SNX25: variants seen among roughly 807,000 people sequenced by gnomAD.
SNX25 encodes the protein sorting nexin-25.
In SNX25, 62 loss-of-function variants were observed where a neutral mutation model predicts 113.7. That is an observed-to-expected ratio of 0.55 (90% CI 0.44 to 0.67). SNX25 has a LOEUF of 0.67. Ranked by LOEUF, SNX25 falls within the 30% of genes least tolerant of loss-of-function variation. The probability of loss-of-function intolerance (pLI) is 0.00; values close to 1 mark genes in which losing one functional copy is unlikely to be tolerated. For missense variants in SNX25, 1,014 were observed against 1,161.0 expected (o/e 0.87, Z 1.84); for synonymous variants, 421 against 436.2 (o/e 0.97, Z 0.43).
chr4:185,293,066 T>C (rs1414271038), intron 6 of SNX25, among the ~76,000 whole-genome samples: 1 of 152,256 alleles, frequency 6.6e-6, no homozygotes, highest in East Asian at 1.9e-4. Context: ...TATAACTCGA[T>C]AATCAAAAGA....
intron 1 of SNX25, among the ~76,000 whole-genome samples, chr4:185,228,301 C>G (rs1741314897): frequency 6.6e-6 from 1 of 151,818 alleles, no homozygotes; most frequent in South Asian, 2.1e-4. Flanking sequence ...GCCTGAACAT[C>G]TCAGAGATAG....
chr4:185,212,645 G>T (rs576899947), intron 1 of SNX25, among the ~76,000 whole-genome samples: 51 of 152,142 alleles, frequency 3.4e-4, no homozygotes, highest in Non-Finnish European at 4.7e-4. Flanking sequence ...GTGCCTGGCT[G>T]TGTGTGCTTT....
At chr4:185,231,079 A>T (rs961400011) in intron 1 of SNX25, among the ~76,000 whole-genome samples, 2 of 148,214 alleles carry the variant, frequency 1.3e-5, no homozygotes, top group Non-Finnish European at 3.0e-5. Context: ...TCTTAATAAC[A>T]TGTTTCTTTT....
intron 11 of SNX25, among the ~76,000 whole-genome samples, chr4:185,369,072 G>T (rs536902037): frequency 6.6e-6 from 1 of 152,174 alleles, no homozygotes; most frequent in Non-Finnish European, 1.5e-5. Context: ...GGGATTACAG[G>T]CATGAGCCAC....
intron 6 of SNX25, among the ~76,000 whole-genome samples, chr4:185,304,687 C>T (rs771167886): frequency 8.5e-5 from 13 of 152,100 alleles, no homozygotes; most frequent in African/African-American, 1.7e-4. Flanking sequence ...CAGAGTCTTG[C>T]TGTGTTGCCC....
intron 3 of SNX25, among the ~76,000 whole-genome samples, chr4:185,263,257 T>G (rs1309435588): frequency 6.6e-6 from 1 of 152,152 alleles, no homozygotes; most frequent in African/African-American, 2.4e-5. Flanking sequence ...CTTCCTCCAG[T>G]GCTTATTAGC....
intron 2 of SNX25, among the ~76,000 whole-genome samples, chr4:185,248,812 G>GA (rs931657337): frequency 2.6e-5 from 4 of 151,996 alleles, no homozygotes; most frequent in African/African-American, 9.7e-5. Flanking sequence ...CATCATTCTA[G>GA]AAAATCTGCC....
intron 1 of SNX25, among the ~76,000 whole-genome samples, chr4:185,243,074 A>C (rs886916381): frequency 6.6e-6 from 1 of 152,176 alleles, no homozygotes; most frequent in African/African-American, 2.4e-5. Flanking sequence ...GAACTTCAGA[A>C]CCAGATTGGA....
chr4:185,233,631 T>A (rs2871437), intron 1 of SNX25, among the ~76,000 whole-genome samples: 98,442 of 151,946 alleles, frequency 0.65, 32,031 homozygotes, highest in East Asian at 0.76. Context: ...GTTCTCTACT[T>A]GCCAATTTAG....
At chr4:185,299,923 A>G (rs1449967666) in intron 6 of SNX25, among the ~76,000 whole-genome samples, 1 of 152,208 alleles carries the variant, frequency 6.6e-6, no homozygotes, top group Non-Finnish European at 1.5e-5. Flanking sequence ...CTGTGTATAA[A>G]TAGTACACAC....
intron 1 of SNX25, among the ~76,000 whole-genome samples, chr4:185,219,649 G>A (rs1468299306): frequency 6.6e-6 from 1 of 152,186 alleles, no homozygotes; most frequent in Non-Finnish European, 1.5e-5. Context: ...TGTGAAGGCA[G>A]CATCTTCTTT....
At chr4:185,247,187 C>G in intron 1 of SNX25, 107 bp from the exon 2 acceptor site, 1 of 732,784 alleles carries the variant, frequency 1.4e-6, no homozygotes, top group Non-Finnish European at 2.3e-6. Flanking sequence ...ATTCGTTAAG[C>G]CTTATCTTAA....
At chr4:185,352,196 C>A (rs2095318853) in intron 14 of SNX25, among the ~76,000 whole-genome samples, 1 of 152,188 alleles carries the variant, frequency 6.6e-6, no homozygotes, top group African/African-American at 2.4e-5. Flanking sequence ...GAACCCCAGA[C>A]TTCTCCCCCA....
intron 2 of SNX25, among the ~76,000 whole-genome samples, chr4:185,256,145 A>G (rs1746391846): frequency 6.6e-6 from 1 of 152,164 alleles, no homozygotes; most frequent in Non-Finnish European, 1.5e-5. Context: ...TCCACCTTAC[A>G]GACTAGAAGC....
upstream of SNX25, among the ~76,000 whole-genome samples, chr4:185,208,315 C>A (rs1737285806): frequency 6.6e-6 from 1 of 151,954 alleles, no homozygotes; most frequent in Non-Finnish European, 1.5e-5. Flanking sequence ...CGTGCCCGCC[C>A]CTATTTTCTT....
intron 1 of SNX25, among the ~76,000 whole-genome samples, chr4:185,215,888 C>G (rs972891140): frequency 6.6e-6 from 1 of 151,686 alleles, no homozygotes; most frequent in Non-Finnish European, 1.5e-5. Context: ...CTCCTGGGCT[C>G]AAGCCATCCT....
At position 185,290,729 on chromosome 4, in the gene SNX25, G is replaced by A. The variant is rs573866501; in HGVS notation, c.1162+2647G>A. 5.4e-5 allele frequency among the ~76,000 whole-genome samples: 8 copies of A among 148,866 alleles called. No homozygotes were observed. In the South Asian group the frequency reaches 1.1e-3, roughly 21 times the overall value. On this transcript the variant is annotated intron_variant, in intron 6 of 18. Coordinates refer to ENST00000652585, the MANE Select transcript of SNX25 (RefSeq NM_001378034.2). ...AATTTTAATTATAACTGAAGTGTTT[G>A]GTTTATTTTAAGTATTAGTTTCTCT...
Position 185,320,816 on chromosome 4 carries a change from T to G in SNX25, c.1428T>G (p.Ala476=). 1.2e-6 allele frequency: 2 copies of G among 1,606,542 alleles called. No individual in the cohort carries two copies. The highest frequency in any genetic ancestry group is 1.7e-6 in the Non-Finnish European group (2 of 1,176,622). Residue 476 remains alanine, a synonymous_variant, in exon 8 of 19, where the codon GCT becomes GCG. Transcript: ENST00000652585. ...GMYMERMDKR[A]LISFWESVEH... is the part of the protein sequence containing the mutation. ...ACATGGAAAGGATGGACAAAAGAGC[T>G]CTGATTAGTTTTTGGGAATCTGTGG...
downstream of SNX25, chr4:185,370,583 A>G: frequency 1.3e-6 from 2 of 1,559,884 alleles, no homozygotes; most frequent in Middle Eastern, 1.9e-4. Flanking sequence ...TTCAAGTTGC[A>G]GCTAAAAGCC....
Sources: allele counts gnomAD v4.1 joint callset (sites outside exome capture counted in the v4.1 genomes callset), GRCh38; gene constraint gnomAD v4.1.1; transcripts MANE v1.5; gene names NCBI Gene and HGNC (gene_info 2026-07-23, HGNC 2026-07-21).